The following GIGYF2 variants were observed in gnomAD, a reference collection of about 807,000 sequenced individuals.
The protein encoded by GIGYF2 is GRB10-interacting GYF protein 2.
A neutral mutation model predicts 208.1 loss-of-function variants in GIGYF2; 25 were observed. The observed-to-expected ratio is 0.12, with a 90% CI of 0.09 to 0.17. GIGYF2 has a LOEUF of 0.17. GIGYF2 is among the 10% of genes least tolerant of loss of function. The pLI, the probability that GIGYF2 is intolerant of heterozygous loss-of-function variation, is 1.00. For missense variants in GIGYF2, 1,302 were observed against 1,579.4 expected (o/e 0.82, Z 2.98); for synonymous variants, 534 against 543.8 (o/e 0.98, Z 0.25).
rs369605845 is a variant in GIGYF2 at position 232,849,221 on chromosome 2, G to A, written c.3685-1041G>A. The stretch of plus-strand genomic sequence containing the variant: ...ACTCTGTTGCCCAAGCTGGAGTGCA[G>A]TAGCGCGATCTCAGCTCACTGCAAC... On this transcript the variant is annotated intron_variant, in intron 27 of 28. Transcript: ENST00000373563. Among the ~76,000 whole-genome samples the A allele has an allele frequency of 3.2e-4, 49 of 152,220 alleles. No individual in the cohort carries two copies. The South Asian group carries it at 7.5e-3, about 23-fold the overall frequency.
At chr2:232,844,641 A>C (rs1160605368) in intron 25 of GIGYF2, 67 bp downstream of exon 25, 2 of 1,046,888 alleles carry the variant, frequency 1.9e-6, no homozygotes, top group African/African-American at 3.1e-5. Flanking sequence ...AGGAAGTGGG[A>C]TGTTGGGTGG....
At chr2:232,726,127 T>C (rs1178393930) in intron 2 of GIGYF2, among the ~76,000 whole-genome samples, 1 of 152,134 alleles carries the variant, frequency 6.6e-6, no homozygotes, top group Non-Finnish European at 1.5e-5. Context: ...TCCACCACTT[T>C]GGGAAGCCAA....
intron 2 of GIGYF2, among the ~76,000 whole-genome samples, chr2:232,712,935 T>C (rs1696493878): frequency 6.6e-6 from 1 of 152,212 alleles, no homozygotes; most frequent in South Asian, 2.1e-4. Flanking sequence ...GGATGAGTTA[T>C]AATTTTCTGC....
intron 19 of GIGYF2, 166 bp downstream of exon 19, chr2:232,815,903 C>CA (rs151161298): frequency 0.15 from 66,291 of 449,576 alleles, no homozygotes; most frequent in South Asian, 0.22. Context: ...TCTCTTCTCC[C>CA]AAAAAAAAAA....
chr2:232,766,050 A>G (rs182197159), intron 8 of GIGYF2: 60 of 470,792 alleles, frequency 1.3e-4, no homozygotes, highest in Non-Finnish European at 1.7e-4. Context: ...CCCTTTTTCC[A>G]TTGTTACTTC....
chr2:232,748,706 CT>C (rs1340976320), intron 4 of GIGYF2, among the ~76,000 whole-genome samples: 1 of 152,172 alleles, frequency 6.6e-6, no homozygotes, highest in Non-Finnish European at 1.5e-5. Context: ...AATGTAGAGA[CT>C]TTTATTCCTC....
In GIGYF2 at chr2:232,707,637, A is replaced by ATT. The variant is rs35807853; in HGVS notation, c.-44+4165_-44+4166dup. Among the ~76,000 whole-genome samples, 1,037 of 135,402 alleles carry ATT rather than the reference A, an allele frequency of 7.7e-3. 16 individuals carry two copies. Among genetic ancestry groups the ATT allele is most frequent in the African/African-American group, 0.023 (823 of 36,486 alleles). The allele number at this position is 135,402 out of a possible 152,430, so 88.8% of individuals were successfully genotyped here. On this transcript the variant is annotated intron_variant, in intron 2 of 28. Transcript: ENST00000373563. The stretch of plus-strand genomic sequence containing the variant: ...TTTTTGTATTACTTCTACCATTGGG[A>ATT]TTTTTTTTTTTTTTTTTTGAGACAG...
rs182963933 is a variant in GIGYF2 at position 232,781,022 on chromosome 2, A to G, written c.533-6128A>G. Among the ~76,000 whole-genome samples the G allele has an allele frequency of 1.2e-3, 180 of 152,152 alleles. 1 individual carries two copies. The highest frequency in any genetic ancestry group is 4.1e-3 in the African/African-American group (169 of 41,476). ...GCCCAGGCTGGAGTGCAGTGGCACA[A>G]TCTCGGCTCACTGCAACCTCCACCT... On this transcript the variant is annotated intron_variant, in intron 8 of 28. Coordinates refer to ENST00000373563, the MANE Select transcript of GIGYF2 (RefSeq NM_001103146.3).
chr2:232,812,331 C>G, intron 17 of GIGYF2, 60 bp from the exon 18 acceptor site: 1 of 701,038 alleles, frequency 1.4e-6, no homozygotes, highest in South Asian at 1.6e-5. Context: ...TCCTCTTCAT[C>G]TTTTTTTTTT....
At chr2:232,812,357 A>C (rs772707238) in intron 17 of GIGYF2, 34 bp from the exon 18 acceptor site, 1 of 882,122 alleles carries the variant, frequency 1.1e-6, no homozygotes, top group South Asian at 1.3e-5. Flanking sequence ...TGCAAATGAC[A>C]AGAACAAGTT....
At chr2:232,813,467 A>G (rs573636252) in intron 18 of GIGYF2, among the ~76,000 whole-genome samples, 52 of 152,278 alleles carry the variant, frequency 3.4e-4, no homozygotes, top group African/African-American at 1.2e-3. Flanking sequence ...TTGGCCTCCC[A>G]AAGTGCTGGG....
At chr2:232,856,652 A>G in intron 28 of GIGYF2, 141 bp from the exon 29 acceptor site, 5 of 739,678 alleles carry the variant, frequency 6.8e-6, no homozygotes, top group Non-Finnish European at 7.5e-6. Context: ...AGATCACGCC[A>G]CTGCACTCCA....
chr2:232,820,707 C>T (rs938457311), intron 21 of GIGYF2, among the ~76,000 whole-genome samples: 1 of 152,108 alleles, frequency 6.6e-6, no homozygotes, highest in Non-Finnish European at 1.5e-5. Flanking sequence ...ATCTAGTTTT[C>T]CCACCACCAT....
At chr2:232,792,365 G>A (rs1034044384) in intron 12 of GIGYF2, among the ~76,000 whole-genome samples, 2 of 152,198 alleles carry the variant, frequency 1.3e-5, no homozygotes, top group Admixed American at 6.5e-5. Context: ...TTTCCCAGTA[G>A]ACTAATATTT....
intron 27 of GIGYF2, among the ~76,000 whole-genome samples, chr2:232,849,958 A>G (rs1056015952): frequency 1.5e-4 from 23 of 152,162 alleles, no homozygotes; most frequent in African/African-American, 5.6e-4. Flanking sequence ...ATTTCCTAGC[A>G]TTTGATACAG....
intron 28 of GIGYF2, among the ~76,000 whole-genome samples, chr2:232,850,827 C>T (rs1205796175): frequency 6.6e-6 from 1 of 152,172 alleles, no homozygotes; most frequent in Non-Finnish European, 1.5e-5. Context: ...AGTATATGTT[C>T]ATAATCACTC....
At chr2:232,709,956 A>ATATT (rs890760589) in intron 2 of GIGYF2, among the ~76,000 whole-genome samples, 32 of 151,036 alleles carry the variant, frequency 2.1e-4, no homozygotes, top group East Asian at 4.0e-4. Flanking sequence ...ACAAAGTTAT[A>ATATT]TATTTATTTA....
In GIGYF2 at chr2:232,827,470, C is replaced by T. The variant is rs577460487; in HGVS notation, c.2530-5387C>T. On this transcript the variant is annotated intron_variant, in intron 21 of 28. Transcript: ENST00000373563. ...AGTTTCTTTGAATTATGTGGCTAAT[C>T]GGGTTGTTTTATCAGTGTTTGTAAT... Among the ~76,000 whole-genome samples, 5 of 152,178 alleles carry T rather than the reference C, an allele frequency of 3.3e-5. No homozygotes were observed. In the South Asian group the frequency reaches 6.2e-4, roughly 19 times the overall value.
rs181276580 is a variant in GIGYF2, at chr2:232,755,758, A to G, written c.268-465A>G. The stretch of plus-strand genomic sequence containing the variant: ...CTGTTGAATACTACTTGGAGTTGCT[A>G]ATTCACATTGATGTGCAGAATGTCC... On this transcript the variant is annotated intron_variant, in intron 5 of 28. Transcript: ENST00000373563. Among the ~76,000 whole-genome samples, 86 of 152,248 alleles carry G rather than the reference A, an allele frequency of 5.6e-4. 2 individuals carry two copies. Among genetic ancestry groups the G allele is most frequent in the Non-Finnish European group, 7.8e-4 (53 of 68,012 alleles).
Sources: allele counts gnomAD v4.1 joint callset (sites outside exome capture counted in the v4.1 genomes callset), GRCh38; gene constraint gnomAD v4.1.1; transcripts MANE v1.5; gene names NCBI Gene and HGNC (gene_info 2026-07-23, HGNC 2026-07-21).